NRG4: variants seen among roughly 807,000 people sequenced by gnomAD.
NRG4 encodes the protein neuregulin 4.
Under a neutral mutation model 15.0 loss-of-function variants are expected in NRG4, and 10 were observed. The observed-to-expected ratio is 0.67, with a 90% CI of 0.41 to 1.13. The LOEUF is 1.13. Among genes scored for constraint, NRG4 ranks in the 50% most tolerant of loss-of-function variants. NRG4 has a pLI of 0.00. For missense variants in NRG4, 139 were observed against 140.2 expected, an observed-to-expected ratio of 0.99 and a Z score of 0.04; for synonymous variants, 41 against 50.1, an observed-to-expected ratio of 0.82 and a Z score of 0.77.
intron 3 of NRG4, chr15:76,005,613 G>T (rs956577482): frequency 3.9e-6 from 1 of 257,136 alleles, no homozygotes; most frequent in African/African-American, 2.3e-5. Flanking sequence ...ACTTGAACCT[G>T]GGGGGTGGAG....
At chr15:76,026,385 AT>A (rs1337293396) in intron 5 of NRG4, among the ~76,000 whole-genome samples, 1 of 152,212 alleles carries the variant, frequency 6.6e-6, no homozygotes, top group East Asian at 1.9e-4. Context: ...ATAGGATATA[AT>A]CAAAGTACTG....
At chr15:75,975,555 G>A (rs1286848606) in intron 3 of NRG4, among the ~76,000 whole-genome samples, 6 of 152,122 alleles carry the variant, frequency 3.9e-5, no homozygotes, top group Admixed American at 3.9e-4. Flanking sequence ...TGGTAACAAA[G>A]TCTCTCAGCA....
intron 3 of NRG4, among the ~76,000 whole-genome samples, chr15:75,990,693 T>G (rs2141870414): frequency 6.7e-6 from 1 of 150,146 alleles, no homozygotes; most frequent in African/African-American, 2.4e-5. Flanking sequence ...TGTTTTTTTT[T>G]TTTTTGAGAC....
At chr15:75,950,342 CAGA>C (rs779130634) in intron 5 of NRG4, 7 of 153,486 alleles carry the variant, frequency 4.6e-5, no homozygotes, top group Non-Finnish European at 8.8e-5. Context: ...TGAAATCTAT[CAGA>C]AGAATATTCT....
chr15:76,000,932 A>C (rs1443257357), intron 3 of NRG4, among the ~76,000 whole-genome samples: 1 of 152,326 alleles, frequency 6.6e-6, no homozygotes, highest in Non-Finnish European at 1.5e-5. Flanking sequence ...AGGATAGTAC[A>C]TATAGCAATA....
At chr15:75,991,813 TCTCA>T (rs771719190) in intron 3 of NRG4, among the ~76,000 whole-genome samples, 14 of 152,194 alleles carry the variant, frequency 9.2e-5, no homozygotes, top group Non-Finnish European at 1.6e-4. Flanking sequence ...CCCCTCCCTG[TCTCA>T]CTCTCTCTTT....
At chr15:76,050,597 ATTTT>A (rs35228253) in intron 4 of NRG4, among the ~76,000 whole-genome samples, 1 of 108,950 alleles carries the variant, frequency 9.2e-6, no homozygotes. Flanking sequence ...CGCTCGGCTA[ATTTT>A]TTTTTTTTTT....
chr15:75,978,346 G>A (rs991811421), intron 3 of NRG4, among the ~76,000 whole-genome samples: 105 of 152,100 alleles, frequency 6.9e-4, no homozygotes, highest in African/African-American at 2.4e-3. Flanking sequence ...AATGACCTAC[G>A]GCTCCATTCA....
At chr15:75,978,658 T>G (rs754747992) in intron 3 of NRG4, among the ~76,000 whole-genome samples, 2 of 152,174 alleles carry the variant, frequency 1.3e-5, no homozygotes, top group African/African-American at 4.8e-5. Context: ...TCATTCCCAA[T>G]AGTGTACTAC....
intron 3 of NRG4, chr15:75,971,171 CAT>C (rs2033072747): frequency 4.5e-6 from 2 of 448,162 alleles, no homozygotes; most frequent in Admixed American, 4.9e-5. Context: ...ATTACCTGTA[CAT>C]ATGTGTGTGG....
intron 5 of NRG4, among the ~76,000 whole-genome samples, chr15:76,026,116 G>GA (rs1333872284): frequency 2.0e-5 from 3 of 152,086 alleles, no homozygotes; most frequent in Non-Finnish European, 4.4e-5. Context: ...TAAATATGCA[G>GA]AAAAAATATT....
intron 3 of NRG4, among the ~76,000 whole-genome samples, chr15:75,989,724 TC>T (rs1042380201): frequency 9.9e-5 from 15 of 152,222 alleles, no homozygotes; most frequent in African/African-American, 3.4e-4. Flanking sequence ...GTTTGCTAAT[TC>T]CATCATTGCT....
chr15:75,966,228 A>C (rs546084543), intron 3 of NRG4, among the ~76,000 whole-genome samples: 1 of 152,330 alleles, frequency 6.6e-6, no homozygotes, highest in East Asian at 1.9e-4. Flanking sequence ...CTTTCACATG[A>C]ATAAAATAAC....
At chr15:75,988,042 G>C (rs1406624829) in intron 3 of NRG4, among the ~76,000 whole-genome samples, 2 of 152,276 alleles carry the variant, frequency 1.3e-5, no homozygotes, top group Non-Finnish European at 2.9e-5. Flanking sequence ...CATTTACCTA[G>C]ACATTATCCT....
In NRG4 at chr15:76,053,710, G is replaced by A. The variant is rs552702751; in HGVS notation, c.-261-727C>T. On this transcript the variant is annotated intron_variant, in intron 2 of 8. Coordinates refer to the NRG4 transcript ENST00000563910. ...AGCTGGGACTACCAGCGTATACTACGACGCCCAGCTAAGTTTTGTATTTTT... is the reference window on the plus strand; with the variant it reads ...AGCTGGGACTACCAGCGTATACTACAACGCCCAGCTAAGTTTTGTATTTTT... Among the ~76,000 whole-genome samples the A allele has an allele frequency of 7.3e-5, 11 of 150,092 alleles. No individual in the cohort carries two copies. In the East Asian group the frequency reaches 9.8e-4, roughly 13 times the overall value.
At chr15:75,994,732 T>C (rs1214832142) in intron 3 of NRG4, among the ~76,000 whole-genome samples, 1 of 152,198 alleles carries the variant, frequency 6.6e-6, no homozygotes, top group African/African-American at 2.4e-5. Context: ...AAGAATGGTA[T>C]ATTAGCCACA....
chr15:76,022,204 C>T (rs1474901638), intron 5 of NRG4, among the ~76,000 whole-genome samples: 1 of 152,110 alleles, frequency 6.6e-6, no homozygotes, highest in African/African-American at 2.4e-5. Context: ...TCTTTAAGAA[C>T]TATTTTTCCA....
chr15:75,958,308 G>A (rs968020918), intron 4 of NRG4, among the ~76,000 whole-genome samples: 2 of 152,094 alleles, frequency 1.3e-5, no homozygotes, highest in South Asian at 2.1e-4. Context: ...CACCGTGCCC[G>A]GCCACCTCTC....
intron 1 of NRG4, among the ~76,000 whole-genome samples, chr15:76,059,340 C>T (rs1171011351): frequency 6.6e-6 from 1 of 152,210 alleles, no homozygotes; most frequent in African/African-American, 2.4e-5. Context: ...AGGTGTTTTC[C>T]CCTCGGTGGC....
Sources: allele counts gnomAD v4.1 joint callset (sites outside exome capture counted in the v4.1 genomes callset), GRCh38; gene constraint gnomAD v4.1.1; transcripts MANE v1.5; gene names NCBI Gene and HGNC (gene_info 2026-07-23, HGNC 2026-07-21).